The following NMNAT2 variants were observed in gnomAD, a reference collection of about 807,000 sequenced individuals.
The protein encoded by NMNAT2 is nicotinamide nucleotide adenylyltransferase 2.
NMNAT2 carries 11 observed loss-of-function variants against 41.6 expected under a neutral mutation model. The ratio of observed to expected loss-of-function variants is 0.26; its 90% CI spans 0.17 to 0.44. NMNAT2 has a LOEUF of 0.44. Among genes scored for constraint, NMNAT2 ranks in the 20% least tolerant of loss-of-function variants. The pLI, the probability that NMNAT2 is intolerant of heterozygous loss-of-function variation, is 1.00. For synonymous variants in NMNAT2, 148 were observed against 151.2 expected (o/e 0.98, Z 0.16); for missense variants, 288 against 407.7 (o/e 0.71, Z 2.53).
intron 1 of NMNAT2, among the ~76,000 whole-genome samples, chr1:183,416,927 A>G (rs1372808294): frequency 2.6e-5 from 4 of 152,076 alleles, no homozygotes; most frequent in Non-Finnish European, 5.9e-5. Flanking sequence ...CGCGCCCTGC[A>G]TTTCAGCACC....
intron 1 of NMNAT2, among the ~76,000 whole-genome samples, chr1:183,339,190 C>T (rs569916484): frequency 6.6e-6 from 1 of 152,082 alleles, no homozygotes; most frequent in Non-Finnish European, 1.5e-5. Context: ...CTCTGCCTCC[C>T]GGGTTCATGT....
At chr1:183,260,951 G>T in intron 10 of NMNAT2, 51 bp downstream of exon 10, 1 of 1,401,448 alleles carries the variant, frequency 7.1e-7, no homozygotes, top group African/African-American at 1.4e-5. Flanking sequence ...TTTATGTGGA[G>T]ACTTATAAGA....
Position 183,249,810 on chromosome 1 carries a change from G to C in NMNAT2, c.*2831C>G, listed in dbSNP as rs907742683. 1.3e-5 allele frequency: 2 copies of C among 151,212 alleles called. No homozygotes were observed. The highest frequency in any genetic ancestry group is 1.3e-4 in the Admixed American group (2 of 15,144). The allele number at this position is 151,212 out of a possible 1,614,324, so 9.4% of individuals were successfully genotyped here. ...ATTCACTTTCTTTTTATATTAAATA[G>C]GAAACCTGTTTTTAGTACAGTGCCT... is the stretch of plus-strand genomic sequence containing the variant. On this transcript the variant is annotated 3_prime_UTR_variant, in exon 11 of 11. Transcript: ENST00000287713.
chr1:183,322,171 G>A (rs533478582), intron 1 of NMNAT2, among the ~76,000 whole-genome samples: 13 of 152,202 alleles, frequency 8.5e-5, no homozygotes, highest in South Asian at 6.2e-4. Context: ...ATTAAACACC[G>A]AATTCCTTTT....
intron 10 of NMNAT2, among the ~76,000 whole-genome samples, chr1:183,260,139 C>T (rs1022673813): frequency 2.0e-5 from 3 of 152,116 alleles, no homozygotes; most frequent in African/African-American, 7.2e-5. Context: ...CCCAGCCGTC[C>T]TCCACCCTTG....
intron 7 of NMNAT2, 28 bp from the exon 8 acceptor site, chr1:183,278,657 G>A: frequency 6.6e-7 from 1 of 1,521,912 alleles, no homozygotes. Flanking sequence ...AGTTTGCAAA[G>A]GGAGTAAGTG....
At chr1:183,267,187 T>C (rs1414678992) in intron 8 of NMNAT2, 2 of 152,340 alleles carry the variant, frequency 1.3e-5, no homozygotes, top group Non-Finnish European at 2.9e-5. Flanking sequence ...GTGAAGGTAG[T>C]GGCTCTGGAA....
At chr1:183,341,598 G>A (rs1662804045) in intron 1 of NMNAT2, among the ~76,000 whole-genome samples, 2 of 148,490 alleles carry the variant, frequency 1.3e-5, no homozygotes, top group South Asian at 2.2e-4. Context: ...GGGAAGCTGA[G>A]GTGGGAGGAT....
chr1:183,302,271 C>T (rs1267419217), intron 1 of NMNAT2, among the ~76,000 whole-genome samples: 4 of 152,088 alleles, frequency 2.6e-5, no homozygotes, highest in Admixed American at 2.0e-4. Context: ...GTTTTTGATG[C>T]GGGCCACAGC....
intron 1 of NMNAT2, among the ~76,000 whole-genome samples, chr1:183,341,748 C>CAAAAAAAAAAAAAAAAAAAAA (rs369432128): frequency 6.3e-5 from 5 of 79,836 alleles, no homozygotes; most frequent in African/African-American, 2.2e-4. Context: ...AAAAAAAAAA[C>CAAAAAAAAAAAAAAAAAAAAA]CTGTTTCCTT....
At chr1:183,403,865 A>G (rs1474049679) in intron 1 of NMNAT2, among the ~76,000 whole-genome samples, 1 of 152,234 alleles carries the variant, frequency 6.6e-6, no homozygotes, top group African/African-American at 2.4e-5. Flanking sequence ...AATTCTTTAC[A>G]TGGGTTAAAG....
chr1:183,378,392 A>T (rs1663723558), intron 1 of NMNAT2, among the ~76,000 whole-genome samples: 1 of 134,830 alleles, frequency 7.4e-6, no homozygotes, highest in African/African-American at 3.1e-5. Flanking sequence ...AGACTCCATT[A>T]AAAAAAAAAA....
chr1:183,273,835 C>T (rs1490538471), intron 8 of NMNAT2, among the ~76,000 whole-genome samples: 57 of 3,408 alleles, frequency 0.017, no homozygotes, highest in Non-Finnish European at 0.081. Context: ...CCCTCCCTCC[C>T]TCCCTCCCTT....
At chr1:183,261,784 G>A (rs913139883) in intron 8 of NMNAT2, among the ~76,000 whole-genome samples, 1 of 152,170 alleles carries the variant, frequency 6.6e-6, no homozygotes, top group Admixed American at 6.5e-5. Context: ...GGGACTCAAG[G>A]GGTAGCTAAA....
At chr1:183,400,878 T>C (rs1648790158) in intron 1 of NMNAT2, among the ~76,000 whole-genome samples, 2 of 152,216 alleles carry the variant, frequency 1.3e-5, no homozygotes, top group Admixed American at 1.3e-4. Context: ...AAGCTGAAAC[T>C]GGATCCCTTC....
intron 1 of NMNAT2, among the ~76,000 whole-genome samples, chr1:183,374,556 A>G (rs1663631607): frequency 6.6e-6 from 1 of 152,320 alleles, no homozygotes; most frequent in East Asian, 1.9e-4. Flanking sequence ...ATGCTGACAA[A>G]TTTCTCCAGA....
At chr1:183,384,235 C>T (rs1471935616) in intron 1 of NMNAT2, among the ~76,000 whole-genome samples, 1 of 151,702 alleles carries the variant, frequency 6.6e-6, no homozygotes, top group African/African-American at 2.4e-5. Context: ...AAGTCTCACT[C>T]TGTCACCCAG....
intron 1 of NMNAT2, among the ~76,000 whole-genome samples, chr1:183,348,468 T>G (rs929619681): frequency 2.0e-5 from 3 of 152,218 alleles, no homozygotes; most frequent in African/African-American, 7.2e-5. Context: ...CAATATTAGA[T>G]TCACCAAAAT....
At chr1:183,319,187 C>T (rs1662311537) in intron 1 of NMNAT2, among the ~76,000 whole-genome samples, 1 of 152,196 alleles carries the variant, frequency 6.6e-6, no homozygotes, top group Admixed American at 6.5e-5. Context: ...TCAGTTGACT[C>T]ACCCCAAAAA....
Sources: gnomAD v4.1 joint callset for allele counts (sites outside exome capture counted in the v4.1 genomes callset) on GRCh38, gnomAD v4.1.1 for gene constraint, MANE v1.5 for transcripts, NCBI Gene and HGNC (gene_info 2026-07-23, HGNC 2026-07-21) for gene names.